The following SAMMSON variants were observed in gnomAD, a reference collection of about 807,000 sequenced individuals.
SAMMSON encodes the protein survival associated mitochondrial melanoma specific oncogenic non-coding RNA, also known as long intergenic non-protein coding RNA 1212.
intron 4 of SAMMSON, among the ~76,000 whole-genome samples, chr3:70,146,749 A>G (rs1020707158): frequency 8.5e-5 from 13 of 152,064 alleles, no homozygotes; most frequent in Non-Finnish European, 1.6e-4. Context: ...TCCCTTTAAG[A>G]CAGGGGACAA....
At chr3:70,283,596 T>A (rs1385374117) in intron 6 of SAMMSON, 4 of 152,076 alleles carry the variant, frequency 2.6e-5, no homozygotes, top group Non-Finnish European at 4.4e-5. Context: ...CTTGGTTGTG[T>A]CCACCACCTA....
chr3:70,188,638 C>G (rs1325642183), intron 4 of SAMMSON, among the ~76,000 whole-genome samples: 1 of 152,102 alleles, frequency 6.6e-6, no homozygotes, highest in East Asian at 1.9e-4. Context: ...AACAAATGAA[C>G]TAGGTAGTGA....
At chr3:70,162,957 A>T (rs1410650722) in intron 4 of SAMMSON, among the ~76,000 whole-genome samples, 1 of 151,776 alleles carries the variant, frequency 6.6e-6, no homozygotes, top group Non-Finnish European at 1.5e-5. Flanking sequence ...TGGTATAGTT[A>T]CCCAACTTGT....
intron 9 of SAMMSON, among the ~76,000 whole-genome samples, chr3:70,363,666 A>G (rs1458310422): frequency 6.6e-6 from 1 of 152,076 alleles, no homozygotes; most frequent in East Asian, 1.9e-4. Context: ...TATTTGATAC[A>G]GTACTTTTCA....
chr3:70,331,427 A>C (rs1702620762), intron 7 of SAMMSON, among the ~76,000 whole-genome samples: 1 of 152,188 alleles, frequency 6.6e-6, no homozygotes, highest in Non-Finnish European at 1.5e-5. Context: ...AGTTGGGGCC[A>C]CCTGATAATC....
rs537610905 is a variant in SAMMSON at position 70,196,138 on chromosome 3, G to A, written n.508-52969G>A. 4.1e-4 allele frequency among the ~76,000 whole-genome samples: 63 copies of A among 152,280 alleles called. No individual in the cohort carries two copies. The Middle Eastern group carries it at 0.01, about 25-fold the overall frequency. On this transcript the variant is annotated intron_variant and non_coding_transcript_variant, in intron 4 of 9. Transcript: ENST00000642114. Reference sequence around the variant, plus strand: ...GACAAATAAAAATGAAGAAAGTGAAGAATTGAGATTTTTTTGAAACTTGCA... The same window carrying A: ...GACAAATAAAAATGAAGAAAGTGAAAAATTGAGATTTTTTTGAAACTTGCA...
chr3:70,046,691 G>A (rs73836023), intron 3 of SAMMSON, among the ~76,000 whole-genome samples: 2,880 of 152,112 alleles, frequency 0.019, 96 homozygotes, highest in African/African-American at 0.064. Context: ...TCAACAATAC[G>A]TATTTATTAT....
intron 6 of SAMMSON, among the ~76,000 whole-genome samples, chr3:70,257,266 A>G (rs1522344): frequency 0.81 from 123,395 of 152,126 alleles, 50,682 homozygotes; most frequent in Non-Finnish European, 0.87. Context: ...TGGCCATTCA[A>G]AAAAGTTCAA....
At chr3:70,005,767 C>G (rs2066924260) in intron 1 of SAMMSON, among the ~76,000 whole-genome samples, 1 of 152,268 alleles carries the variant, frequency 6.6e-6, no homozygotes, top group East Asian at 1.9e-4. Flanking sequence ...TTCTGAAGAC[C>G]AGAACACATT....
At chr3:70,013,332 G>T (rs2066966725) in intron 2 of SAMMSON, among the ~76,000 whole-genome samples, 1 of 152,094 alleles carries the variant, frequency 6.6e-6, no homozygotes. Context: ...CTCAAAGGTT[G>T]TTATGAGGAG....
intron 4 of SAMMSON, among the ~76,000 whole-genome samples, chr3:70,113,206 A>G (rs781551106): frequency 6.6e-6 from 1 of 152,226 alleles, no homozygotes; most frequent in Non-Finnish European, 1.5e-5. Context: ...ATAATTAATG[A>G]TAAAATAGAA....
chr3:70,079,484 G>A (rs1043537549), intron 4 of SAMMSON, among the ~76,000 whole-genome samples: 1 of 152,116 alleles, frequency 6.6e-6, no homozygotes, highest in Non-Finnish European at 1.5e-5. Flanking sequence ...AAAGTGATAT[G>A]CATTCAGTAG....
intron 6 of SAMMSON, among the ~76,000 whole-genome samples, chr3:70,267,206 A>G (rs1349527583): frequency 6.6e-6 from 1 of 152,092 alleles, no homozygotes; most frequent in Non-Finnish European, 1.5e-5. Flanking sequence ...CTTATGTTTT[A>G]GACAGTAAAA....
intron 4 of SAMMSON, among the ~76,000 whole-genome samples, chr3:70,146,418 A>G (rs2067549096): frequency 6.6e-6 from 1 of 151,986 alleles, no homozygotes; most frequent in South Asian, 2.1e-4. Context: ...AATCCTCAGA[A>G]AATATTAGCT....
intron 9 of SAMMSON, among the ~76,000 whole-genome samples, chr3:70,361,388 T>C (rs954485660): frequency 6.6e-6 from 1 of 152,196 alleles, no homozygotes; most frequent in Non-Finnish European, 1.5e-5. Flanking sequence ...TGAACCACTA[T>C]GGAAAGGAAT....
intron 4 of SAMMSON, among the ~76,000 whole-genome samples, chr3:70,144,364 A>T (rs979993877): frequency 1.3e-5 from 2 of 152,032 alleles, no homozygotes; most frequent in Admixed American, 6.6e-5. Context: ...AGTAGGTCCC[A>T]GTGCTGGTGT....
chr3:70,234,826 G>C (rs982730174), intron 4 of SAMMSON, among the ~76,000 whole-genome samples: 7 of 152,130 alleles, frequency 4.6e-5, no homozygotes, highest in African/African-American at 1.7e-4. Context: ...TGCTGCTTAA[G>C]ATGTCATCAC....
chr3:70,213,766 A>G (rs750600113), intron 4 of SAMMSON, among the ~76,000 whole-genome samples: 6 of 152,146 alleles, frequency 3.9e-5, no homozygotes, highest in Non-Finnish European at 8.8e-5. Context: ...AATATATAAA[A>G]TACAGGAAAT....
At chr3:70,408,982 G>T (rs1053809074) in intron 2 of SAMMSON, among the ~76,000 whole-genome samples, 1 of 152,140 alleles carries the variant, frequency 6.6e-6, no homozygotes, top group Admixed American at 6.6e-5. Context: ...AGAAAATGAG[G>T]AAGGTGCAAA....
Sources: gnomAD v4.1 joint callset for allele counts (sites outside exome capture counted in the v4.1 genomes callset) on GRCh38, gnomAD v4.1.1 for gene constraint, MANE v1.5 for transcripts, NCBI Gene and HGNC (gene_info 2026-07-23, HGNC 2026-07-21) for gene names.